Variants in GLYATL1 observed in about 807,000 individuals in gnomAD.
GLYATL1 encodes glycine N-acyltransferase-like protein 1.
A neutral mutation model predicts 20.0 loss-of-function variants in GLYATL1; 15 were observed. The ratio of observed to expected loss-of-function variants is 0.75; its 90% CI spans 0.50 to 1.15. The LOEUF (loss-of-function observed/expected upper bound fraction) is 1.15. Ranked by LOEUF, GLYATL1 falls within the 50% of genes most tolerant of loss-of-function variation. The pLI is 0.00. For missense variants in GLYATL1, 380 were observed against 368.5 expected (o/e 1.03, Z -0.26); for synonymous variants, 151 against 131.5 (o/e 1.15, Z -1.01).
downstream of GLYATL1, among the ~76,000 whole-genome samples, chr11:58,912,284 A>G (rs1855064327): frequency 6.6e-6 from 1 of 152,192 alleles, no homozygotes; most frequent in Admixed American, 6.5e-5. Context: ...GAAAGATCAG[A>G]AGTACAAGGC....
intron 2 of GLYATL1, 121 bp downstream of exon 2, chr11:58,943,787 A>G: frequency 7.1e-7 from 1 of 1,412,654 alleles, no homozygotes; most frequent in African/African-American, 1.4e-5. Flanking sequence ...GACTGGGTCT[A>G]GGAACAGATT....
chr11:58,917,309 G>A (rs548539090), intron 1 of GLYATL1: 1 of 152,304 alleles, frequency 6.6e-6, no homozygotes, highest in Non-Finnish European at 1.5e-5. Context: ...GAGGACCAGA[G>A]AGACCACAGA....
At chr11:58,953,636 A>T (rs1187673366) in intron 4 of GLYATL1, among the ~76,000 whole-genome samples, 1 of 151,724 alleles carries the variant, frequency 6.6e-6, no homozygotes, top group East Asian at 1.9e-4. Context: ...TATTTCCTTG[A>T]CTATTTACTT....
chr11:58,905,802 C>T (rs1854860067), intron 1 of GLYATL1: 1 of 384,386 alleles, frequency 2.6e-6, no homozygotes, highest in Admixed American at 2.8e-5. Flanking sequence ...CCCGCGAGCG[C>T]GTGCGCCCAG....
In GLYATL1 at chr11:58,955,762, G is replaced by A. The variant is rs1331987326; in HGVS notation, c.644G>A (p.Gly215Glu). 1.2e-6 allele frequency: 2 copies of A among 1,614,200 alleles called. No homozygotes were observed. Among genetic ancestry groups the A allele is most frequent in the East Asian group, 2.2e-5 (1 of 44,884 alleles). ...GCAGCCTGTATGCTCGGCCCAGAGG[G>A]AGTCCCGGTCTCATGGGTAACCATG... is the stretch of plus-strand genomic sequence containing the variant. ...LPAACMLGPEGVPVSWVTMDP... is the reference protein window; with the variant it reads ...LPAACMLGPEEVPVSWVTMDP... Residue 215 changes from glycine (G) to glutamate (E), a missense_variant, in exon 7 of 7, where the codon GGA becomes GAA. Transcript: ENST00000532726.
In GLYATL1 at chr11:58,943,328, C is replaced by A. The variant is rs746844057; in HGVS notation, c.-166-215C>A. 10 of 1,550,574 alleles carry A rather than the reference C, an allele frequency of 6.4e-6. No individual in the cohort carries two copies. In the Admixed American group the frequency reaches 2.0e-4, roughly 31 times the overall value. On this transcript the variant is annotated intron_variant, in intron 1 of 6. Transcript: ENST00000532726. Reference sequence around the variant, plus strand: ...TCAAACTGTGTTCAAATAAGGCAAGCGCCCAGTTGTAACCAATCTCTTTGT... The same window carrying A: ...TCAAACTGTGTTCAAATAAGGCAAGAGCCCAGTTGTAACCAATCTCTTTGT...
chr11:58,910,143 T>C (rs1893629), downstream of GLYATL1, among the ~76,000 whole-genome samples: 29,825 of 69,998 alleles, frequency 0.43, 3,564 homozygotes, highest in East Asian at 0.55. Flanking sequence ...GGCATGAATT[T>C]ATTTCCATAC....
downstream of GLYATL1, among the ~76,000 whole-genome samples, chr11:58,913,224 T>G (rs900081611): frequency 1.3e-5 from 2 of 149,600 alleles, no homozygotes; most frequent in Admixed American, 6.7e-5. Flanking sequence ...GAGTTGAGAG[T>G]GGAGGCTATT....
chr11:58,946,511 T>C (rs1856579109), intron 2 of GLYATL1, among the ~76,000 whole-genome samples: 1 of 152,236 alleles, frequency 6.6e-6, no homozygotes, highest in Non-Finnish European at 1.5e-5. Context: ...TGTGTTAAAA[T>C]TTTTCTATCT....
chr11:58,950,340 C>CT (rs1470308867), intron 4 of GLYATL1, among the ~76,000 whole-genome samples: 1 of 151,838 alleles, frequency 6.6e-6, no homozygotes, highest in Non-Finnish European at 1.5e-5. Flanking sequence ...CTGATGATCT[C>CT]TTTTGTCATC....
At chr11:58,919,918 A>C (rs990934688) in intron 1 of GLYATL1, among the ~76,000 whole-genome samples, 1 of 152,146 alleles carries the variant, frequency 6.6e-6, no homozygotes, top group Non-Finnish European at 1.5e-5. Flanking sequence ...CCTGGGGGCC[A>C]CCATTTCAGG....
intron 1 of GLYATL1, among the ~76,000 whole-genome samples, chr11:58,916,398 C>T (rs1473745942): frequency 6.6e-6 from 1 of 152,200 alleles, no homozygotes; most frequent in Non-Finnish European, 1.5e-5. Flanking sequence ...TTCACACTTA[C>T]CAAGTCTCCC....
exon 1 of GLYATL1, chr11:58,927,734 C>A (rs891391600): frequency 6.6e-6 from 1 of 152,206 alleles, no homozygotes; most frequent in Admixed American, 6.5e-5. Flanking sequence ...ACTGGGCAGG[C>A]TAAGAGATCT....
downstream of GLYATL1, among the ~76,000 whole-genome samples, chr11:58,909,480 T>A (rs971312578): frequency 6.6e-6 from 1 of 152,196 alleles, no homozygotes; most frequent in Non-Finnish European, 1.5e-5. Flanking sequence ...TGATAATGTA[T>A]CTCCACACTC....
chr11:58,916,854 G>C (rs1185997725), intron 1 of GLYATL1, among the ~76,000 whole-genome samples: 1 of 152,240 alleles, frequency 6.6e-6, no homozygotes, highest in Admixed American at 6.5e-5. Flanking sequence ...AGTGGGAGCA[G>C]GCTTGAGAAA....
At chr11:58,921,806 G>A (rs1855315868) in intron 1 of GLYATL1, among the ~76,000 whole-genome samples, 1 of 152,188 alleles carries the variant, frequency 6.6e-6, no homozygotes, top group African/African-American at 2.4e-5. Flanking sequence ...AATAAGCTGA[G>A]TAGCATTCAT....
intron 1 of GLYATL1, chr11:58,905,739 A>AGGG: frequency 4.2e-4 from 1 of 2,366 alleles, no homozygotes. Flanking sequence ...CTGGACAAAT[A>AGGG]GGGAGGGTGG....
rs1221379775 is a variant in GLYATL1, at chr11:58,947,903, A to G, written c.124A>G (p.Met42Val). The G allele has an allele frequency of 6.2e-7, 1 of 1,613,842 alleles. No homozygotes were observed. Among genetic ancestry groups the G allele is most frequent in the Admixed American group, 1.7e-5 (1 of 59,998 alleles). The change falls in exon 4 of 7, where the codon ATG becomes GTG. Residue 42 changes from methionine to valine, a missense_variant. Physicochemically the swap from Met to Val is conservative, Grantham distance 21. Transcript: ENST00000532726. ...CATCAATCACGGGAACCCCTTCAAC[A>G]TGGAGGTGCTGGTGGATTCCTGGCC... ...YHINHGNPFN[M>V]EVLVDSWPEY...
chr11:58,908,573 C>T lies in GLYATL1; in HGVS notation n.1571C>T, dbSNP rs201062801. 3.2e-5 allele frequency: 6 copies of T among 186,880 alleles called. No homozygotes were observed. In the East Asian group the frequency reaches 8.2e-4, roughly 25 times the overall value. 11.6% of individuals were successfully genotyped at this position (186,880 alleles called of 1,614,324 possible). ...GCATATCTACTTTTTTACAACTCCT[C>T]ACTGGAGAGATAGTCTAACCGTGGT... On this transcript the variant is annotated non_coding_transcript_exon_variant, in exon 2 of 2. Coordinates refer to the GLYATL1 transcript ENST00000524629.
Sources: allele counts gnomAD v4.1 joint callset (sites outside exome capture counted in the v4.1 genomes callset), GRCh38; gene constraint gnomAD v4.1.1; transcripts MANE v1.5; gene names NCBI Gene and HGNC (gene_info 2026-07-23, HGNC 2026-07-21).